OLA1: variants seen among roughly 807,000 people sequenced by gnomAD.
OLA1 encodes obg-like ATPase 1.
A neutral mutation model predicts 48.4 loss-of-function variants in OLA1; 14 were observed. The ratio of observed to expected loss-of-function variants is 0.29; its 90% confidence interval spans 0.19 to 0.45. The LOEUF is 0.45. Among genes scored for constraint, OLA1 ranks in the 20% least tolerant of loss-of-function variants. The pLI is 1.00. For missense variants in OLA1, 325 were observed against 467.1 expected, an observed-to-expected ratio of 0.70 and a Z score of 2.80; for synonymous variants, 127 against 150.4, an observed-to-expected ratio of 0.84 and a Z score of 1.14.
chr2:174,092,485 TG>T (rs981542176), intron 7 of OLA1, among the ~76,000 whole-genome samples: 2 of 151,316 alleles, frequency 1.3e-5, no homozygotes, highest in African/African-American at 4.9e-5. Context: ...GGCAACATGG[TG>T]AAACCCCGTC....
At chr2:174,244,423 G>A (rs187334101) in intron 2 of OLA1, among the ~76,000 whole-genome samples, 4 of 152,168 alleles carry the variant, frequency 2.6e-5, no homozygotes, top group East Asian at 1.9e-4. Flanking sequence ...TTACTTCCAC[G>A]TACATTAATT....
chr2:174,177,491 T>C (rs1687446055), intron 4 of OLA1, among the ~76,000 whole-genome samples: 1 of 152,128 alleles, frequency 6.6e-6, no homozygotes, highest in Non-Finnish European at 1.5e-5. Context: ...AATGAAAACA[T>C]ACCATGTGCC....
At chr2:174,086,262 T>C (rs1468550462) in intron 7 of OLA1, among the ~76,000 whole-genome samples, 1 of 152,200 alleles carries the variant, frequency 6.6e-6, no homozygotes, top group Non-Finnish European at 1.5e-5. Flanking sequence ...GGTATTTTTC[T>C]AGTATCTGGT....
chr2:174,100,676 T>C (rs1685371872), intron 7 of OLA1, among the ~76,000 whole-genome samples: 2 of 152,190 alleles, frequency 1.3e-5, no homozygotes, highest in South Asian at 4.1e-4. Context: ...GAAAAAAATA[T>C]TTTCTATTGA....
At chr2:174,118,388 AAAGT>A (rs1685833647) in intron 7 of OLA1, among the ~76,000 whole-genome samples, 1 of 152,196 alleles carries the variant, frequency 6.6e-6, no homozygotes, top group Non-Finnish European at 1.5e-5. Context: ...ATTATTCAAC[AAAGT>A]GAGTAGGGTA....
chr2:174,210,335 CATGAT>C (rs1347298802), intron 4 of OLA1, among the ~76,000 whole-genome samples: 4 of 152,108 alleles, frequency 2.6e-5, no homozygotes, highest in Admixed American at 2.6e-4. Context: ...CAGGGGCAAA[CATGAT>C]ATTTTATTTT....
intron 4 of OLA1, among the ~76,000 whole-genome samples, chr2:174,142,381 G>C (rs1485750847): frequency 6.6e-6 from 1 of 152,126 alleles, no homozygotes; most frequent in Non-Finnish European, 1.5e-5. Context: ...TTTAGGGAGG[G>C]GGGGTCTGAA....
chr2:174,232,140 C>T (rs2105458210), intron 2 of OLA1, among the ~76,000 whole-genome samples: 2 of 152,202 alleles, frequency 1.3e-5, no homozygotes, highest in Middle Eastern at 3.4e-3. Flanking sequence ...TAAATGTATG[C>T]CCCCTAGACT....
chr2:174,167,835 TAAG>T (rs1471578361), intron 4 of OLA1, among the ~76,000 whole-genome samples: 1 of 152,200 alleles, frequency 6.6e-6, no homozygotes, highest in African/African-American at 2.4e-5. Flanking sequence ...ATAAAACTGA[TAAG>T]AAGTACTACT....
intron 7 of OLA1, among the ~76,000 whole-genome samples, chr2:174,118,380 T>C (rs1028788953): frequency 1.3e-5 from 2 of 152,200 alleles, no homozygotes; most frequent in African/African-American, 2.4e-5. Flanking sequence ...GTTTTTGAAT[T>C]ATTCAACAAA....
At chr2:174,225,368 T>G (rs1476941123) in intron 3 of OLA1, among the ~76,000 whole-genome samples, 1 of 152,116 alleles carries the variant, frequency 6.6e-6, no homozygotes, top group African/African-American at 2.4e-5. Flanking sequence ...CTGACCAACA[T>G]GGAGAAACCC....
intron 4 of OLA1, among the ~76,000 whole-genome samples, chr2:174,193,638 G>C (rs10930653): frequency 0.54 from 82,023 of 151,986 alleles, 22,762 homozygotes; most frequent in East Asian, 0.94. Flanking sequence ...TTGTTACCCT[G>C]AGTATACTAC....
chr2:174,199,526 C>G (rs915873828), intron 4 of OLA1, among the ~76,000 whole-genome samples: 1 of 152,008 alleles, frequency 6.6e-6, no homozygotes, highest in African/African-American at 2.4e-5. Context: ...CCACTGTAAC[C>G]CTGACAACTT....
chr2:174,199,338 A>C (rs1023380966), intron 4 of OLA1, among the ~76,000 whole-genome samples: 5 of 152,130 alleles, frequency 3.3e-5, no homozygotes, highest in Non-Finnish European at 7.3e-5. Flanking sequence ...CCACCCAAAA[A>C]CATTCCCATG....
chr2:174,090,728 A>C (rs565365550), intron 7 of OLA1, among the ~76,000 whole-genome samples: 1 of 152,348 alleles, frequency 6.6e-6, no homozygotes, highest in African/African-American at 2.4e-5. Context: ...GGAACACTTA[A>C]TTAACCAACC....
At position 174,246,778 on chromosome 2, in the gene OLA1, G is replaced by A. The variant is rs557878124; in HGVS notation, c.38C>T (p.Pro13Leu). The part of the protein sequence containing the change: ...PKKGGDGIKP[P>L]PIIGRFGTSL... ...GGTTCCAAATCTTCCAATGATTGGG[G>A]GTGGTTTAATTCCATCACCTCCCTT... The change falls in exon 2 of 11, where the codon CCC becomes CTC. Residue 13 changes from proline (P) to leucine (L), a missense_variant. Pro to Leu is a moderately conservative substitution (Grantham distance 98). Transcript: ENST00000284719. 174 of 1,612,760 alleles carry A rather than the reference G, an allele frequency of 1.1e-4. 2 individuals are homozygous for A. The Middle Eastern group carries it at 2.2e-3, about 20-fold the overall frequency.
chr2:174,083,983 T>C (rs890138415), intron 7 of OLA1, among the ~76,000 whole-genome samples: 3 of 152,234 alleles, frequency 2.0e-5, no homozygotes, highest in Non-Finnish European at 2.9e-5. Context: ...TAACAGCCTT[T>C]CCTGCAGAGT....
chr2:174,208,396 T>C (rs1688163732), intron 4 of OLA1, among the ~76,000 whole-genome samples: 1 of 152,170 alleles, frequency 6.6e-6, no homozygotes, highest in Non-Finnish European at 1.5e-5. Flanking sequence ...TTCCTCCCTC[T>C]GAAAAATGCA....
At chr2:174,174,840 C>G (rs929882860) in intron 4 of OLA1, among the ~76,000 whole-genome samples, 1 of 150,662 alleles carries the variant, frequency 6.6e-6, no homozygotes, top group African/African-American at 2.4e-5. Flanking sequence ...GGAAAAGGGT[C>G]AGAAGACCTA....
Sources: allele counts gnomAD v4.1 joint callset (sites outside exome capture counted in the v4.1 genomes callset), GRCh38; gene constraint gnomAD v4.1.1; transcripts MANE v1.5; gene names NCBI Gene and HGNC (gene_info 2026-07-23, HGNC 2026-07-21).